The following UBL3 variants were observed in gnomAD, a reference collection of about 807,000 sequenced individuals.
The protein encoded by UBL3 is ubiquitin like 3, also known as ubiquitin-like protein 3.
UBL3 carries 6 observed loss-of-function variants against 18.4 expected under a neutral mutation model. The observed-to-expected ratio is 0.33, with a 90% CI of 0.18 to 0.64. The LOEUF (loss-of-function observed/expected upper bound fraction) is 0.64, where lower values mean the gene tolerates loss of function less well. UBL3 is among the 30% of genes least tolerant of loss of function. UBL3 has a pLI of 0.76. For missense variants in UBL3, 109 were observed against 142.9 expected (o/e 0.76, Z 1.21); for synonymous variants, 49 against 46.6 (o/e 1.05, Z -0.21).
At chr13:29,829,817 G>A (rs1483651196) in intron 1 of UBL3, among the ~76,000 whole-genome samples, 4 of 151,986 alleles carry the variant, frequency 2.6e-5, no homozygotes, top group Non-Finnish European at 5.9e-5. Flanking sequence ...GTTCCTATTC[G>A]GCCATCTTGG....
rs553205728 is a variant in UBL3 at position 29,805,393 on chromosome 13, G to T, written c.28-28130C>A. Among the ~76,000 whole-genome samples, 7 of 152,258 alleles carry T rather than the reference G, an allele frequency of 4.6e-5. No individual in the cohort carries two copies. The East Asian group carries it at 9.7e-4, about 21-fold the overall frequency. On this transcript the variant is annotated intron_variant, in intron 1 of 4. Coordinates refer to ENST00000380680, the MANE Select transcript of UBL3 (RefSeq NM_007106.4). ...GCAAGGTAGATTCAAAATCACCTAG[G>T]GAGCTTTTTCAAATTATATTTCTTG...
chr13:29,848,737 G>A (rs1356849114), intron 1 of UBL3, among the ~76,000 whole-genome samples: 3 of 152,102 alleles, frequency 2.0e-5, no homozygotes, highest in Admixed American at 2.0e-4. Context: ...TTAGTCAACC[G>A]ACTCACAACC....
chr13:29,803,590 T>C (rs548191317), intron 1 of UBL3, among the ~76,000 whole-genome samples: 1 of 147,974 alleles, frequency 6.8e-6, no homozygotes, highest in Non-Finnish European at 1.5e-5. Context: ...TGGAGAAAAA[T>C]CTACCAAGCA....
chr13:29,819,999 T>C (rs1440322541), intron 1 of UBL3, among the ~76,000 whole-genome samples: 1 of 152,184 alleles, frequency 6.6e-6, no homozygotes, highest in Admixed American at 6.5e-5. Flanking sequence ...GGATGATTTA[T>C]GGTGTTCCCA....
chr13:29,801,403 C>T (rs1190943988), intron 1 of UBL3, among the ~76,000 whole-genome samples: 2 of 152,150 alleles, frequency 1.3e-5, no homozygotes, highest in East Asian at 1.9e-4. Context: ...GGAGAAGAAA[C>T]GAAGAGCCTG....
At position 29,766,094 on chromosome 13, in the gene UBL3, T is replaced by C. The variant is rs1593646313; in HGVS notation, c.*1161A>G. On this transcript the variant is annotated 3_prime_UTR_variant, in exon 5 of 5. Coordinates refer to ENST00000380680, the MANE Select transcript of UBL3 (RefSeq NM_007106.4). ...AGTGAAAAAATATAAAAATCTTTCA[T>C]ATTTTTACAGGTTTAGATGAAAGTA... 1 of 152,604 alleles carries C rather than the reference T, an allele frequency of 6.6e-6. No individual in the cohort carries two copies. Among genetic ancestry groups the C allele is most frequent in the African/African-American group, 2.4e-5 (1 of 41,474 alleles). 9.5% of individuals were successfully genotyped at this position (152,604 alleles called of 1,614,324 possible).
chr13:29,784,839 GCA>G (rs58557958), intron 1 of UBL3, among the ~76,000 whole-genome samples: 7 of 150,582 alleles, frequency 4.6e-5, no homozygotes, highest in South Asian at 4.2e-4. Context: ...ATACACACAT[GCA>G]CACACACACA....
intron 1 of UBL3, among the ~76,000 whole-genome samples, chr13:29,823,542 C>T (rs1194280073): frequency 6.6e-6 from 1 of 152,174 alleles, no homozygotes; most frequent in Admixed American, 6.5e-5. Context: ...CTTTAGGAAC[C>T]ACTGGTCAAG....
chr13:29,792,326 T>G (rs1466608250), intron 1 of UBL3, among the ~76,000 whole-genome samples: 1 of 152,250 alleles, frequency 6.6e-6, no homozygotes, highest in Non-Finnish European at 1.5e-5. Flanking sequence ...AACAGACTAT[T>G]TCCCACAACT....
intron 1 of UBL3, among the ~76,000 whole-genome samples, chr13:29,807,019 A>G (rs1315740779): frequency 6.6e-6 from 1 of 152,230 alleles, no homozygotes; most frequent in Non-Finnish European, 1.5e-5. Flanking sequence ...AGTGTACTTC[A>G]GAATGATGAA....
At chr13:29,804,474 T>G (rs1232736695) in intron 1 of UBL3, among the ~76,000 whole-genome samples, 1 of 151,722 alleles carries the variant, frequency 6.6e-6, no homozygotes, top group Non-Finnish European at 1.5e-5. Context: ...ATAGCCAAAA[T>G]TAGAGCTGAA....
At chr13:29,795,983 G>A (rs1283332652) in intron 1 of UBL3, among the ~76,000 whole-genome samples, 3 of 151,446 alleles carry the variant, frequency 2.0e-5, no homozygotes, top group East Asian at 1.9e-4. Flanking sequence ...TCTTTTTAAT[G>A]GCATTTTAAA....
intron 1 of UBL3, among the ~76,000 whole-genome samples, chr13:29,824,768 T>C (rs1208612884): frequency 2.6e-5 from 4 of 152,246 alleles, no homozygotes; most frequent in African/African-American, 7.2e-5. Context: ...GTTTTAGACA[T>C]GAAGTCCTTG....
At chr13:29,775,462 A>G (rs769756909) in intron 2 of UBL3, among the ~76,000 whole-genome samples, 1 of 152,234 alleles carries the variant, frequency 6.6e-6, no homozygotes, top group Non-Finnish European at 1.5e-5. Flanking sequence ...CTTTGTCAAA[A>G]TAAGTCTTGT....
intron 1 of UBL3, among the ~76,000 whole-genome samples, chr13:29,821,576 T>C (rs903264506): frequency 2.0e-5 from 3 of 152,214 alleles, no homozygotes; most frequent in East Asian, 3.8e-4. Flanking sequence ...GAAGACATTC[T>C]CATTTCCAAA....
intron 1 of UBL3, among the ~76,000 whole-genome samples, chr13:29,786,951 G>A (rs926897063): frequency 6.6e-6 from 1 of 152,070 alleles, no homozygotes; most frequent in African/African-American, 2.4e-5. Context: ...TCATTTACTT[G>A]GAATGTGAAC....
chr13:29,840,851 T>G (rs1879079730), intron 1 of UBL3, among the ~76,000 whole-genome samples: 1 of 152,212 alleles, frequency 6.6e-6, no homozygotes, highest in Admixed American at 6.5e-5. Flanking sequence ...AAATAATTTA[T>G]ATACATCTAT....
At chr13:29,802,955 T>A (rs1877809856) in intron 1 of UBL3, among the ~76,000 whole-genome samples, 1 of 152,004 alleles carries the variant, frequency 6.6e-6, no homozygotes, top group African/African-American at 2.4e-5. Context: ...ATGCAGAGAA[T>A]CCCTGAAAGA....
chr13:29,826,140 T>C (rs965097940), intron 1 of UBL3, among the ~76,000 whole-genome samples: 10 of 152,174 alleles, frequency 6.6e-5, no homozygotes, highest in Non-Finnish European at 1.5e-4. Context: ...TCATCAGGGA[T>C]ATTGGTCTAA....
Sources: gnomAD v4.1 joint callset for allele counts (sites outside exome capture counted in the v4.1 genomes callset) on GRCh38, gnomAD v4.1.1 for gene constraint, MANE v1.5 for transcripts, NCBI Gene and HGNC (gene_info 2026-07-23, HGNC 2026-07-21) for gene names.